HPSE2: variants seen among roughly 807,000 people sequenced by gnomAD.
HPSE2 encodes inactive heparanase-2.
In HPSE2, 38 loss-of-function variants were observed where a neutral mutation model predicts 60.5. The observed-to-expected ratio is 0.63, with a 90% CI of 0.48 to 0.82. HPSE2 has a LOEUF of 0.82. Among genes scored for constraint, HPSE2 ranks in the 40% least tolerant of loss-of-function variants. The probability of loss-of-function intolerance (pLI) is 0.00; values close to 1 mark genes in which losing one functional copy is unlikely to be tolerated. For synonymous variants in HPSE2, 295 were observed against 293.2 expected (o/e 1.01, Z -0.06); for missense variants, 713 against 740.4 (o/e 0.96, Z 0.43).
rs538011774 is a variant in HPSE2 at position 98,912,752 on chromosome 10, AGAG to A, written c.611-168699_611-168697del. ...TTAAAACAATTGAACTCTCAGAGAT[AGAG>A]AAGAAGGATGATTACCAGAGGCTAG... On this transcript the variant is annotated intron_variant, in intron 3 of 11. Transcript: ENST00000370552. Among the ~76,000 whole-genome samples the A allele has an allele frequency of 7.2e-5, 11 of 152,292 alleles. No homozygotes were observed. The South Asian group carries it at 2.1e-3, about 29-fold the overall frequency.
chr10:99,208,317 A>G (rs187226280), intron 2 of HPSE2, among the ~76,000 whole-genome samples: 26 of 152,292 alleles, frequency 1.7e-4, no homozygotes, highest in Admixed American at 7.8e-4. Context: ...GAAAACATTA[A>G]CAAAATCACA....
intron 8 of HPSE2, among the ~76,000 whole-genome samples, chr10:98,616,486 A>G (rs374074546): frequency 1.3e-5 from 2 of 152,204 alleles, no homozygotes; most frequent in African/African-American, 4.8e-5. Flanking sequence ...CTGAAGCCAT[A>G]TGGAGCTCCA....
intron 3 of HPSE2, among the ~76,000 whole-genome samples, chr10:98,978,687 A>T (rs1956140967): frequency 6.6e-6 from 1 of 152,210 alleles, no homozygotes; most frequent in Admixed American, 6.5e-5. Context: ...ATTCTTACTA[A>T]TTACTACATT....
At chr10:98,505,489 T>A (rs546686535) in intron 9 of HPSE2, among the ~76,000 whole-genome samples, 1 of 152,220 alleles carries the variant, frequency 6.6e-6, no homozygotes, top group Non-Finnish European at 1.5e-5. Flanking sequence ...CTATTCCAAC[T>A]ATACTCCCTC....
chr10:98,859,955 G>T (rs1446877756), intron 3 of HPSE2, among the ~76,000 whole-genome samples: 5 of 151,982 alleles, frequency 3.3e-5, no homozygotes, highest in African/African-American at 1.2e-4. Flanking sequence ...ATAATATATT[G>T]TTATAATTGT....
rs1251703045 is a variant in HPSE2, at chr10:98,544,387, C to G, written c.1321-54191G>C. Among the ~76,000 whole-genome samples, 4 of 152,170 alleles carry G rather than the reference C, an allele frequency of 2.6e-5. No individual in the cohort carries two copies. In the East Asian group the frequency reaches 7.7e-4, roughly 29 times the overall value. ...CCCACAAGAGAAAGCAGGAAAGATC[C>G]AAAATCGACACCCTAACATCCCAAT... is the stretch of plus-strand genomic sequence containing the variant. On this transcript the variant is annotated intron_variant, in intron 9 of 11. Coordinates refer to ENST00000370552, the MANE Select transcript of HPSE2 (RefSeq NM_021828.5).
intron 3 of HPSE2, among the ~76,000 whole-genome samples, chr10:99,069,414 G>A (rs1444704336): frequency 6.6e-6 from 1 of 151,930 alleles, no homozygotes; most frequent in African/African-American, 2.4e-5. Context: ...GCTAGACCTC[G>A]CAGTTCTTAA....
At chr10:98,662,595 A>C (rs1392419450) in intron 6 of HPSE2, among the ~76,000 whole-genome samples, 6 of 152,208 alleles carry the variant, frequency 3.9e-5, no homozygotes, top group African/African-American at 1.4e-4. Context: ...AAAAATAACC[A>C]TTGAGTACTG....
chr10:98,543,837 G>T (rs1244713142), intron 9 of HPSE2, among the ~76,000 whole-genome samples: 5 of 152,048 alleles, frequency 3.3e-5, no homozygotes, highest in Admixed American at 2.6e-4. Context: ...AGCAAGTCCT[G>T]AGTGACCTAC....
the HPSE2 span, among the ~76,000 whole-genome samples, chr10:99,303,818 G>A: frequency 1.8e-4 from 28 of 152,164 alleles, 1 homozygote; most frequent in Admixed American, 5.2e-4. Context: ...CCCCTCCTAG[G>A]ATGTTTGATC....
At chr10:98,782,938 A>ATT (rs1491306164) in intron 3 of HPSE2, among the ~76,000 whole-genome samples, 1 of 45,392 alleles carries the variant, frequency 2.2e-5, no homozygotes, top group Non-Finnish European at 4.2e-5. Flanking sequence ...TTTTTTTTTT[A>ATT]ATGTTTTTTT....
chr10:98,494,598 T>G (rs946483942), intron 9 of HPSE2, among the ~76,000 whole-genome samples: 4 of 152,220 alleles, frequency 2.6e-5, no homozygotes, highest in African/African-American at 9.6e-5. Flanking sequence ...GAATAAATTT[T>G]GCTTTTAAGA....
the HPSE2 span, among the ~76,000 whole-genome samples, chr10:99,287,609 C>A: frequency 6.6e-6 from 1 of 152,108 alleles, no homozygotes; most frequent in African/African-American, 2.4e-5. Context: ...TGCAGCAGAT[C>A]CTCTTAAATG....
intron 9 of HPSE2, among the ~76,000 whole-genome samples, chr10:98,540,135 TG>T (rs1943413563): frequency 6.6e-6 from 1 of 152,370 alleles, no homozygotes; most frequent in Non-Finnish European, 1.5e-5. Context: ...TTGTGCTTCC[TG>T]GTAACTAAAA....
chr10:98,559,850 G>A (rs770619269), intron 9 of HPSE2, among the ~76,000 whole-genome samples: 1 of 152,186 alleles, frequency 6.6e-6, no homozygotes, highest in Non-Finnish European at 1.5e-5. Context: ...TGGTTTGTGA[G>A]CTGTATTTTT....
chr10:99,235,562 G>A lies in HPSE2; in HGVS notation c.241C>T (p.Leu81=), dbSNP rs749798992. 38 of 1,614,002 alleles carry A rather than the reference G, an allele frequency of 2.4e-5. No individual in the cohort carries two copies. Among genetic ancestry groups the A allele is most frequent in the East Asian group, 2.2e-5 (1 of 44,878 alleles). ...VRTVNENFLS[L]QLDPSIIHDG... is the part of the protein sequence containing the mutation. Reference sequence around the variant, plus strand: ...TGAATGATGGACGGATCCAGCTGCAGAGAGAGGAAGTTCTCATTGACTGTC... The same window carrying A: ...TGAATGATGGACGGATCCAGCTGCAAAGAGAGGAAGTTCTCATTGACTGTC... The change falls in exon 1 of 12, where the codon CTG becomes TTG. Residue 81 remains leucine, a synonymous_variant. Transcript: ENST00000370552.
At chr10:98,790,588 C>T (rs1950633731) in intron 3 of HPSE2, among the ~76,000 whole-genome samples, 1 of 152,064 alleles carries the variant, frequency 6.6e-6, no homozygotes, top group Non-Finnish European at 1.5e-5. Context: ...ATGCTGACCA[C>T]AATTGATAAC....
At chr10:99,125,735 T>C (rs528563762) in intron 3 of HPSE2, among the ~76,000 whole-genome samples, 1 of 152,192 alleles carries the variant, frequency 6.6e-6, no homozygotes, top group Non-Finnish European at 1.5e-5. Context: ...GATTTAACCT[T>C]ACCTATAGTT....
In HPSE2 at chr10:98,721,812, C is replaced by T. The variant is rs1277667371; in HGVS notation, c.801G>A (p.Arg267=). The T allele has an allele frequency of 6.2e-7, 1 of 1,613,274 alleles. No individual in the cohort carries two copies. The highest frequency in any genetic ancestry group is 1.7e-5 in the Admixed American group (1 of 59,872). Residue 267 remains arginine, a synonymous_variant, in exon 5 of 12, where the codon CGG becomes CGA. Coordinates refer to ENST00000370552, the MANE Select transcript of HPSE2 (RefSeq NM_021828.5). ...WELGNEPNNY[R]TMHGRAVNGS... is the part of the protein sequence containing the mutation. ...CATTTACTGCCCGGCCATGCATGGT[C>T]CGATAGTTATTTGGCTCTAGATTAA... is the stretch of plus-strand genomic sequence containing the variant.
Sources: allele counts gnomAD v4.1 joint callset (sites outside exome capture counted in the v4.1 genomes callset), GRCh38; gene constraint gnomAD v4.1.1; transcripts MANE v1.5; gene names NCBI Gene and HGNC (gene_info 2026-07-23, HGNC 2026-07-21).